Variants in CALN1 observed in about 807,000 individuals in gnomAD.
CALN1 encodes the protein calcium-binding protein 8.
A neutral mutation model predicts 30.6 loss-of-function variants in CALN1; 17 were observed. The observed-to-expected ratio is 0.56, with a 90% CI of 0.38 to 0.83. CALN1 has a LOEUF of 0.83. CALN1 is among the 40% of genes least tolerant of loss of function. The probability of loss-of-function intolerance (pLI) is 0.00; values close to 1 mark genes in which losing one functional copy is unlikely to be tolerated. For synonymous variants in CALN1, 156 were observed against 131.4 expected (o/e 1.19, Z -1.28); for missense variants, 291 against 354.9 (o/e 0.82, Z 1.45).
chr7:72,284,980 GTAT>G (rs1308625849), intron 2 of CALN1, among the ~76,000 whole-genome samples: 4 of 151,968 alleles, frequency 2.6e-5, no homozygotes, highest in South Asian at 4.2e-4. Context: ...TTGCAGTAGG[GTAT>G]TATTATTATT....
At chr7:71,934,814 G>A (rs571115799) in intron 5 of CALN1, among the ~76,000 whole-genome samples, 40 of 152,166 alleles carry the variant, frequency 2.6e-4, no homozygotes, top group African/African-American at 6.5e-4. Flanking sequence ...GGGAGACCTC[G>A]CAATCATGGT....
intron 3 of CALN1, among the ~76,000 whole-genome samples, chr7:72,168,233 CAA>C (rs61366296): frequency 0.71 from 99,363 of 140,706 alleles, 33,802 homozygotes; most frequent in East Asian, 0.95. Context: ...TGCAAACAAG[CAA>C]AAAAAAAAAA....
chr7:71,983,849 T>C (rs115736442), intron 5 of CALN1, among the ~76,000 whole-genome samples: 2,864 of 152,084 alleles, frequency 0.019, 82 homozygotes, highest in African/African-American at 0.066. Flanking sequence ...TGCTTTTAAA[T>C]CCAGCTATAT....
At chr7:72,072,789 G>A (rs1176072023) in intron 4 of CALN1, among the ~76,000 whole-genome samples, 1 of 152,094 alleles carries the variant, frequency 6.6e-6, no homozygotes, top group Non-Finnish European at 1.5e-5. Context: ...TTATAAAGCA[G>A]CATTTTTTAT....
chr7:72,148,115 AAC>A, intron 3 of CALN1, among the ~76,000 whole-genome samples: 4 of 146,820 alleles, frequency 2.7e-5, no homozygotes, highest in East Asian at 2.2e-4. Context: ...AAAAAAAAAC[AAC>A]CAACCAACCA....
rs552746871 is a variant in CALN1, at chr7:72,275,645, G to T, written c.244+3041C>A. Among the ~76,000 whole-genome samples, 7 of 152,248 alleles carry T rather than the reference G, an allele frequency of 4.6e-5. No homozygotes were observed. In the East Asian group the frequency reaches 1.4e-3, roughly 29 times the overall value. On this transcript the variant is annotated intron_variant, in intron 3 of 6. Coordinates refer to ENST00000395275, the MANE Select transcript of CALN1 (RefSeq NM_031468.4). The stretch of plus-strand genomic sequence containing the variant: ...CAGCATCTTCACCAGCCAATCTCGG[G>T]ACTTTATAAAGCCCCCACTTCACTC...
At chr7:71,869,690 T>C (rs1791806818) in intron 5 of CALN1, among the ~76,000 whole-genome samples, 1 of 152,256 alleles carries the variant, frequency 6.6e-6, no homozygotes, top group Admixed American at 6.5e-5. Flanking sequence ...AACCTGGGAT[T>C]AATTTCATTC....
At chr7:72,087,630 G>T (rs1430283067) in intron 4 of CALN1, among the ~76,000 whole-genome samples, 2 of 152,080 alleles carry the variant, frequency 1.3e-5, no homozygotes, top group African/African-American at 4.8e-5. Flanking sequence ...GAAATCCAGT[G>T]ATCAGTAGAC....
chr7:72,337,335 C>G (rs958408088), intron 2 of CALN1: 9 of 971,096 alleles, frequency 9.3e-6, no homozygotes, highest in East Asian at 1.1e-4. Context: ...CCCCCACCCC[C>G]CAACCTCCGC....
At position 72,403,123 on chromosome 7, in the gene CALN1, C is replaced by T. The variant is rs73364973; in HGVS notation, c.119+128G>A. The stretch of plus-strand genomic sequence containing the variant: ...CAGCCAGGACAGCTCTCCCAGGTGT[C>T]CATTTCATAGATTCTCCTCTCCAGC... On this transcript the variant is annotated intron_variant, in intron 2 of 6. Transcript: ENST00000395275. 1.2e-4 allele frequency: 77 copies of T among 642,960 alleles called. 1 individual carries two copies. The African/African-American group carries it at 1.3e-3, about 11-fold the overall frequency. 39.8% of individuals were successfully genotyped at this position (642,960 alleles called of 1,614,324 possible).
chr7:72,284,802 AG>A (rs960762540), intron 2 of CALN1, among the ~76,000 whole-genome samples: 7 of 152,152 alleles, frequency 4.6e-5, no homozygotes, highest in Non-Finnish European at 1.0e-4. Flanking sequence ...ATCTCTTTAA[AG>A]TTATACAGAT....
intron 2 of CALN1, among the ~76,000 whole-genome samples, chr7:72,336,518 G>A (rs1802050291): frequency 6.6e-6 from 1 of 152,152 alleles, no homozygotes; most frequent in Non-Finnish European, 1.5e-5. Context: ...CAGCCCGCGG[G>A]GTGGGTGCCC....
intron 4 of CALN1, among the ~76,000 whole-genome samples, chr7:72,085,358 T>C (rs1430038109): frequency 6.6e-6 from 1 of 152,198 alleles, no homozygotes; most frequent in African/African-American, 2.4e-5. Flanking sequence ...TATAATAAGA[T>C]ATGTTGACAG....
At chr7:72,012,480 C>G (rs1029230261) in intron 5 of CALN1, among the ~76,000 whole-genome samples, 2 of 152,190 alleles carry the variant, frequency 1.3e-5, no homozygotes, top group East Asian at 1.9e-4. Flanking sequence ...CCACTGCACT[C>G]CAGCCTGGCA....
the CALN1 span, among the ~76,000 whole-genome samples, chr7:72,467,374 C>G: frequency 6.6e-6 from 1 of 152,178 alleles, no homozygotes; most frequent in Non-Finnish European, 1.5e-5. Flanking sequence ...CTGCCAGACC[C>G]CAGCTAGGCT....
intron 4 of CALN1, among the ~76,000 whole-genome samples, chr7:72,082,134 G>C (rs1265537283): frequency 1.3e-5 from 2 of 152,186 alleles, no homozygotes; most frequent in South Asian, 2.1e-4. Flanking sequence ...TTACAGGCAT[G>C]TGCCACCGGG....
chr7:71,868,942 C>A (rs1305487077), intron 5 of CALN1, among the ~76,000 whole-genome samples: 1 of 152,156 alleles, frequency 6.6e-6, no homozygotes, highest in African/African-American at 2.4e-5. Context: ...AGGAAGGAGA[C>A]CAGGAGAGGC....
At chr7:71,895,100 G>T (rs562814102) in intron 5 of CALN1, among the ~76,000 whole-genome samples, 1 of 152,098 alleles carries the variant, frequency 6.6e-6, no homozygotes, top group East Asian at 1.9e-4. Flanking sequence ...GACCACAAGG[G>T]TACATCACCA....
chr7:72,278,605 G>C, intron 3 of CALN1, 81 bp downstream of exon 3: 7 of 1,569,646 alleles, frequency 4.5e-6, no homozygotes, highest in Non-Finnish European at 5.2e-6. Flanking sequence ...CAAAGTCCAG[G>C]GCTTTCAATT....
Sources: gnomAD v4.1 joint callset for allele counts (sites outside exome capture counted in the v4.1 genomes callset) on GRCh38, gnomAD v4.1.1 for gene constraint, MANE v1.5 for transcripts, NCBI Gene and HGNC (gene_info 2026-07-23, HGNC 2026-07-21) for gene names.